SORBS2: variants seen among roughly 807,000 people sequenced by gnomAD.
SORBS2 encodes sorbin and SH3 domain containing 2, also known as sorbin and SH3 domain-containing protein 2.
Under a neutral mutation model 97.7 loss-of-function variants are expected in SORBS2, and 46 were observed. The ratio of observed to expected loss-of-function variants is 0.47; its 90% CI spans 0.37 to 0.60. The LOEUF is 0.60. Among genes scored for constraint, SORBS2 ranks in the 20% least tolerant of loss-of-function variants. The pLI, the probability that SORBS2 is intolerant of heterozygous loss-of-function variation, is 0.00. For synonymous variants in SORBS2, 476 were observed against 473.4 expected (o/e 1.01, Z -0.07); for missense variants, 1,316 against 1,282.3 (o/e 1.03, Z -0.40).
chr4:185,681,733 T>G (rs749386055), intron 2 of SORBS2, among the ~76,000 whole-genome samples: 2 of 152,174 alleles, frequency 1.3e-5, no homozygotes, highest in Non-Finnish European at 2.9e-5. Context: ...TGAGTCTCTG[T>G]CTGAGATTTT....
chr4:185,745,267 G>A (rs557007425), intron 2 of SORBS2, among the ~76,000 whole-genome samples: 12 of 152,282 alleles, frequency 7.9e-5, no homozygotes, highest in Admixed American at 3.3e-4. Context: ...AGTGCATGCC[G>A]GTGGTAGGGG....
At chr4:185,871,327 C>A (rs1327831587) in intron 1 of SORBS2, among the ~76,000 whole-genome samples, 1 of 152,184 alleles carries the variant, frequency 6.6e-6, no homozygotes, top group South Asian at 2.1e-4. Context: ...ACAAAGAATC[C>A]TTAGAGCGAA....
chr4:185,874,340 T>C (rs2149751777), intron 1 of SORBS2, among the ~76,000 whole-genome samples: 1 of 152,286 alleles, frequency 6.6e-6, no homozygotes, highest in South Asian at 2.1e-4. Context: ...TCAAAAAAGA[T>C]ATAACCCAAT....
At chr4:185,907,041 C>A (rs2099251329) in intron 1 of SORBS2, among the ~76,000 whole-genome samples, 1 of 151,518 alleles carries the variant, frequency 6.6e-6, no homozygotes, top group Non-Finnish European at 1.5e-5. Flanking sequence ...GAGGCTGAGG[C>A]AGGAGACCAG....
At chr4:185,753,913 C>A (rs2153601726) in intron 2 of SORBS2, among the ~76,000 whole-genome samples, 1 of 152,298 alleles carries the variant, frequency 6.6e-6, no homozygotes, top group South Asian at 2.1e-4. Flanking sequence ...GAACTTAAAA[C>A]AGAACTATCA....
chr4:185,925,793 A>T (rs569469662), intron 1 of SORBS2, among the ~76,000 whole-genome samples: 1 of 152,206 alleles, frequency 6.6e-6, no homozygotes, highest in African/African-American at 2.4e-5. Flanking sequence ...GCCCAAATGA[A>T]ATTTTAATTA....
intron 2 of SORBS2, among the ~76,000 whole-genome samples, chr4:185,748,311 A>G (rs563357096): frequency 1.3e-5 from 2 of 152,190 alleles, no homozygotes; most frequent in South Asian, 4.1e-4. Flanking sequence ...CTCTGTCACC[A>G]GGAGCCCCGC....
chr4:185,863,847 C>A (rs1017742445), intron 1 of SORBS2, among the ~76,000 whole-genome samples: 1 of 152,098 alleles, frequency 6.6e-6, no homozygotes, highest in Non-Finnish European at 1.5e-5. Context: ...TTAATTTTCT[C>A]CCCATTTTAG....
intron 1 of SORBS2, among the ~76,000 whole-genome samples, chr4:185,804,239 C>T (rs2099143384): frequency 1.3e-5 from 2 of 152,262 alleles, no homozygotes; most frequent in African/African-American, 2.4e-5. Flanking sequence ...ACGCAGGTTA[C>T]CTTGCTTTCA....
intron 1 of SORBS2, among the ~76,000 whole-genome samples, chr4:185,873,385 A>G (rs188451865): frequency 2.1e-4 from 32 of 152,306 alleles, no homozygotes; most frequent in Non-Finnish European, 3.7e-4. Flanking sequence ...ATCCTGCCTT[A>G]CTACTTGAAT....
At chr4:185,911,217 C>G (rs754445614) in intron 1 of SORBS2, among the ~76,000 whole-genome samples, 5 of 152,026 alleles carry the variant, frequency 3.3e-5, no homozygotes, top group Non-Finnish European at 7.4e-5. Flanking sequence ...CAAGAGGCTT[C>G]AAAATTATGA....
intron 2 of SORBS2, among the ~76,000 whole-genome samples, chr4:185,711,822 T>C (rs2098423099): frequency 6.6e-6 from 1 of 152,170 alleles, no homozygotes; most frequent in South Asian, 2.1e-4. Flanking sequence ...AGACTTGGTA[T>C]ATCAGCACCT....
chr4:185,841,602 C>T (rs534268226), intron 1 of SORBS2, among the ~76,000 whole-genome samples: 32 of 152,228 alleles, frequency 2.1e-4, no homozygotes, highest in South Asian at 1.7e-3. Flanking sequence ...TTTGCAGCAA[C>T]AGTGAGTAGG....
At chr4:185,670,455 C>G (rs1229319933) in intron 4 of SORBS2, among the ~76,000 whole-genome samples, 1 of 152,108 alleles carries the variant, frequency 6.6e-6, no homozygotes, top group East Asian at 1.9e-4. Flanking sequence ...TAACATCTCT[C>G]TCTTAACACC....
intron 2 of SORBS2, among the ~76,000 whole-genome samples, chr4:185,694,013 C>T (rs1472793164): frequency 6.6e-6 from 1 of 152,152 alleles, no homozygotes; most frequent in East Asian, 1.9e-4. Context: ...CCTAATCAAG[C>T]AAGACATTTT....
intron 1 of SORBS2, among the ~76,000 whole-genome samples, chr4:185,844,529 G>A (rs2099213427): frequency 1.3e-5 from 2 of 152,188 alleles, no homozygotes; most frequent in South Asian, 4.1e-4. Context: ...ATGTGAAACG[G>A]TACAGCTACT....
chr4:185,638,924 C>T (rs1306022922), intron 4 of SORBS2: 3 of 1,502,562 alleles, frequency 2.0e-6, no homozygotes, highest in Middle Eastern at 1.7e-4. Context: ...GTGGGGGCGC[C>T]ACTCCGGGGC....
At chr4:185,657,696 C>A, upstream of SORBS2, 2 of 1,061,492 alleles carry the variant, frequency 1.9e-6, no homozygotes, top group Middle Eastern at 2.0e-4. Context: ...ACACAGAGAC[C>A]ATATTGCCAT....
chr4:185,614,533 C>T (rs2096598628), intron 11 of SORBS2: 5 of 303,368 alleles, frequency 1.6e-5, no homozygotes, highest in African/African-American at 6.5e-5. Context: ...ACTGCTTTTT[C>T]CTTTTGTGCT....
Sources: allele counts gnomAD v4.1 joint callset (sites outside exome capture counted in the v4.1 genomes callset), GRCh38; gene constraint gnomAD v4.1.1; transcripts MANE v1.5; gene names NCBI Gene and HGNC (gene_info 2026-07-23, HGNC 2026-07-21).